The following GAGE12J variants were observed in gnomAD, a reference collection of about 807,000 sequenced individuals.
GAGE12J encodes G antigen 11.
A neutral mutation model predicts 8.5 loss-of-function variants in GAGE12J; 5 were observed. That is an observed-to-expected ratio of 0.59 (90% CI 0.31 to 1.24). GAGE12J has a LOEUF of 1.24. GAGE12J is among the 50% of genes most tolerant of loss of function. The pLI, the probability that GAGE12J is intolerant of heterozygous loss-of-function variation, is 0.06. For missense variants in GAGE12J, 26 were observed against 63.0 expected (o/e 0.41, Z 1.99); for synonymous variants, 10 against 19.2 (o/e 0.52, Z 1.25).
At chrX:49,324,680 G>T (rs1441406112) in intron 3 of GAGE12J, among the ~76,000 whole-genome samples, 1 of 61,878 alleles carries the variant, frequency 1.6e-5, no homozygotes, top group African/African-American at 4.1e-5. Flanking sequence ...CTTATTCTCA[G>T]TGCGGGACAG....
rs1184149640 is a variant in GAGE12J, at chrX:49,322,070, A to G, written c.-83A>G. On this transcript the variant is annotated 5_prime_UTR_variant, in exon 1 of 5. Coordinates refer to ENST00000442437, the MANE Select transcript of GAGE12J (RefSeq NM_001098406.4). ...CCCGGCCCCTTCGCCCACGTGAAGA[A>G]CGCCAGGGAGCTGTGAGGCAGTGCT... 1 of 221,994 alleles carries G rather than the reference A, an allele frequency of 4.5e-6. No individual in the cohort carries two copies. Among genetic ancestry groups the G allele is most frequent in the African/African-American group, 3.9e-5 (1 of 25,616 alleles). The allele number at this position is 221,994 out of a possible 1,213,427, so 18.3% of individuals were successfully genotyped here. A position where few individuals can be genotyped will look rare whatever the true frequency, so the allele number is the denominator to read the frequency against.
intron 3 of GAGE12J, among the ~76,000 whole-genome samples, chrX:49,325,543 T>C (rs2066441485): frequency 1.2e-5 from 1 of 81,807 alleles, no homozygotes; most frequent in Admixed American, 1.3e-4. Flanking sequence ...TTTCGCTTCA[T>C]CAGTTTCACA....
intron 3 of GAGE12J, 31 bp downstream of exon 3, chrX:49,323,894 G>C: frequency 8.8e-7 from 1 of 1,141,502 alleles, no homozygotes; most frequent in South Asian, 1.8e-5. Context: ...ACGTCTGCTG[G>C]TGTGTGCGTG....
intron 4 of GAGE12J, among the ~76,000 whole-genome samples, chrX:49,328,050 A>C (rs2066450659): frequency 1.6e-5 from 1 of 63,220 alleles, no homozygotes; most frequent in Admixed American, 1.8e-4. Context: ...TTGCCCAGGC[A>C]GGGTTTCTCT....
intron 3 of GAGE12J, among the ~76,000 whole-genome samples, chrX:49,325,565 C>T (rs1196359735): frequency 2.5e-5 from 2 of 79,607 alleles, no homozygotes; most frequent in African/African-American, 3.4e-5. Flanking sequence ...CTCTTCCCTC[C>T]GTCTCTTACC....
chrX:49,328,258 T>TC (rs2066452069), intron 4 of GAGE12J, among the ~76,000 whole-genome samples: 2 of 25,345 alleles, frequency 7.9e-5, no homozygotes, highest in Non-Finnish European at 1.1e-4. Context: ...CCCTCCCCCC[T>TC]CCCCCCACCC....
chrX:49,323,947 T>TC, intron 3 of GAGE12J, 84 bp downstream of exon 3: 2 of 1,171,275 alleles, frequency 1.7e-6, no homozygotes, highest in South Asian at 3.6e-5. Flanking sequence ...TGTGTGTGTG[T>TC]GTGTGTGTGT....
chrX:49,323,333 A>C (rs1194679744), intron 2 of GAGE12J, 56 bp downstream of exon 2: 41 of 1,019,083 alleles, frequency 4.0e-5, no homozygotes, highest in South Asian at 1.2e-4. Flanking sequence ...AATTTTTGTG[A>C]TAGCGTTGTT....
chrX:49,322,505 C>A (rs1411319805), intron 1 of GAGE12J, among the ~76,000 whole-genome samples: 2 of 103,902 alleles, frequency 1.9e-5, no homozygotes, highest in African/African-American at 6.7e-5. Context: ...AGGGGCCTGG[C>A]ACCTGGGAAG....
intron 4 of GAGE12J, among the ~76,000 whole-genome samples, chrX:49,328,338 A>G (rs2066452516): frequency 4.0e-5 from 2 of 49,574 alleles, no homozygotes; most frequent in African/African-American, 8.7e-5. Context: ...GTTCCCACCT[A>G]TGAGTGAGAA....
chrX:49,327,934 C>T (rs2066450290), intron 4 of GAGE12J, among the ~76,000 whole-genome samples: 1 of 31,337 alleles, frequency 3.2e-5, no homozygotes, highest in African/African-American at 5.1e-5. Context: ...AGGCTAAAGC[C>T]GTCCTCCCAC....
intron 3 of GAGE12J, among the ~76,000 whole-genome samples, chrX:49,325,801 C>CAGAG (rs2066442960): frequency 7.1e-5 from 3 of 42,137 alleles, no homozygotes; most frequent in South Asian, 2.3e-3. Context: ...AGAGTGCATA[C>CAGAG]TCAAATTTTG....
At chrX:49,325,501 CTGTTCATCTGGATTCACCAAT>C (rs1369656513) in intron 3 of GAGE12J, among the ~76,000 whole-genome samples, 15 of 94,289 alleles carry the variant, frequency 1.6e-4, no homozygotes, top group Non-Finnish European at 2.4e-4. Context: ...AACTCATATA[CTGTTCATCTGGATTCACCAAT>C]TGTTAATAGC....
intron 1 of GAGE12J, among the ~76,000 whole-genome samples, chrX:49,322,530 AGC>A: frequency 1.0e-5 from 1 of 98,481 alleles, no homozygotes; most frequent in East Asian, 3.1e-4. Flanking sequence ...CGGCCTGGTG[AGC>A]GCCCCCCCCA....
In GAGE12J at chrX:49,323,248, C is replaced by T. The variant is rs2142399; in HGVS notation, c.55C>T (p.Gln19Ter). 2.0e-5 allele frequency: 23 copies of T among 1,144,773 alleles called. 1 individual carries two copies. The East Asian group carries it at 3.0e-4, about 15-fold the overall frequency. The allele number at this position is 1,144,773 out of a possible 1,213,427, so 94.3% of individuals were successfully genotyped here. A position where few individuals can be genotyped will look rare whatever the true frequency, so the allele number is the denominator to read the frequency against. ...YYWPRPRPYVQPPEMIGPMRP... is the reference protein window; with the variant it reads ...YYWPRPRPYV ...TTGGCCTAGACCAAGACCCTATGTA[C>T]AGCCTCCTGAAATGATTGGGCCTAT... Residue 19 changes from glutamine to a stop codon, truncating the protein, a stop_gained, in exon 2 of 5, where the codon CAG becomes TAG. Transcript: ENST00000442437. LOFTEE classifies it high-confidence loss of function.
chrX:49,323,383 A>T, intron 2 of GAGE12J, 106 bp downstream of exon 2: 1 of 617,075 alleles, frequency 1.6e-6, no homozygotes, highest in Non-Finnish European at 2.5e-6. Context: ...TTTCCTGCTC[A>T]TAAAAAATGA....
intron 1 of GAGE12J, among the ~76,000 whole-genome samples, chrX:49,322,467 C>G (rs1480463800): frequency 9.3e-6 from 1 of 107,065 alleles, no homozygotes; most frequent in African/African-American, 3.3e-5. Context: ...AATGGGGCCT[C>G]CGGCGGGGGC....
chrX:49,322,450 T>G lies in GAGE12J; in HGVS notation c.-9+306T>G, dbSNP rs1387894903. Among the ~76,000 whole-genome samples, 4 of 108,054 alleles carry G rather than the reference T, an allele frequency of 3.7e-5. 1 individual carries two copies. Among genetic ancestry groups the G allele is most frequent in the Non-Finnish European group, 5.9e-5 (3 of 50,764 alleles). The allele number at this position is 108,054 out of a possible 115,157, so 93.8% of individuals were successfully genotyped here. A position where few individuals can be genotyped will look rare whatever the true frequency, so the allele number is the denominator to read the frequency against. On this transcript the variant is annotated intron_variant, in intron 1 of 4. Coordinates refer to ENST00000442437, the MANE Select transcript of GAGE12J (RefSeq NM_001098406.4). ...GGAACCCCCGACGACACAGGGCAGA[T>G]TCCCTGAATGGGGCCTCCGGCGGGG...
In GAGE12J at chrX:49,325,345, AT is replaced by A. The variant is rs2066440217; in HGVS notation, c.206-1341del. On this transcript the variant is annotated intron_variant, in intron 3 of 4. Transcript: ENST00000442437. ...CACTTAAAAATAGTTAAGATGGTAA[AT>A]TTTAGGATATCTGTATTTTTTACCA... Among the ~76,000 whole-genome samples the A allele has an allele frequency of 4.0e-5, 4 of 99,430 alleles. No homozygotes were observed. In the East Asian group the frequency reaches 1.3e-3, roughly 32 times the overall value. The allele number at this position is 99,430 out of a possible 115,157, so 86.3% of individuals were successfully genotyped here.
Sources: gnomAD v4.1 joint callset for allele counts (sites outside exome capture counted in the v4.1 genomes callset) on GRCh38, gnomAD v4.1.1 for gene constraint, MANE v1.5 for transcripts, NCBI Gene and HGNC (gene_info 2026-07-23, HGNC 2026-07-21) for gene names.